The following ATG10 variants were observed in gnomAD, a reference collection of about 807,000 sequenced individuals.
ATG10 encodes the protein ubiquitin-like-conjugating enzyme ATG10.
A neutral mutation model predicts 32.1 loss-of-function variants in ATG10; 30 were observed. The ratio of observed to expected loss-of-function variants is 0.94; its 90% CI spans 0.70 to 1.27. The LOEUF (loss-of-function observed/expected upper bound fraction) is 1.27, where lower values mean the gene tolerates loss of function less well. Among genes scored for constraint, ATG10 ranks in the 50% most tolerant of loss-of-function variants. The pLI is 0.00. For missense variants in ATG10, 233 were observed against 262.3 expected, an observed-to-expected ratio of 0.89 and a Z score of 0.77; for synonymous variants, 87 against 91.5, an observed-to-expected ratio of 0.95 and a Z score of 0.28.
In ATG10 at chr5:82,253,317, T is replaced by C. The variant is rs761000159; in HGVS notation, c.555T>C (p.Asn185=). 3 of 1,604,488 alleles carry C rather than the reference T, an allele frequency of 1.9e-6. No individual in the cohort carries two copies. Among genetic ancestry groups the C allele is most frequent in the African/African-American group, 2.7e-5 (2 of 74,760 alleles). The change falls in exon 7 of 8, where the codon AAT becomes AAC. Residue 185 remains asparagine, a synonymous_variant. Transcript: ENST00000282185. The part of the protein sequence containing the change: ...VLKNSQKINK[N]VNYITSWLSI... ...CTGTATTTCACTTGTTTCCTAGGAA[T>C]GTCAACTATATCACATCATGGCTGA... is the stretch of plus-strand genomic sequence containing the variant.
intron 3 of ATG10, among the ~76,000 whole-genome samples, chr5:82,061,756 A>G (rs923486299): frequency 3.1e-5 from 4 of 127,620 alleles, no homozygotes; most frequent in Non-Finnish European, 1.7e-5. Flanking sequence ...ATATATGTGT[A>G]TATACATATA....
chr5:81,993,368 CT>C (rs757489564), intron 2 of ATG10, among the ~76,000 whole-genome samples: 9,732 of 39,372 alleles, frequency 0.25, 1,652 homozygotes, highest in Non-Finnish European at 0.29. Flanking sequence ...TCCTTCTTTT[CT>C]TTTCTTTTCT....
chr5:82,199,718 T>C (rs978745955), intron 5 of ATG10, among the ~76,000 whole-genome samples: 3 of 152,230 alleles, frequency 2.0e-5, no homozygotes, highest in African/African-American at 7.2e-5. Context: ...CCATAAGTTT[T>C]AGAAAAATGC....
At chr5:81,981,395 C>T (rs1325945339) in intron 1 of ATG10, among the ~76,000 whole-genome samples, 4 of 152,194 alleles carry the variant, frequency 2.6e-5, no homozygotes, top group Admixed American at 2.6e-4. Context: ...AATTTGAGGA[C>T]CACTGCCTAA....
chr5:81,984,609 G>C (rs1761200165), intron 1 of ATG10, among the ~76,000 whole-genome samples: 1 of 152,156 alleles, frequency 6.6e-6, no homozygotes, highest in Non-Finnish European at 1.5e-5. Flanking sequence ...GCAAAATAAG[G>C]ATTATTCTTG....
intron 3 of ATG10, among the ~76,000 whole-genome samples, chr5:82,131,420 G>A (rs1175462968): frequency 6.6e-6 from 1 of 152,140 alleles, no homozygotes; most frequent in Admixed American, 6.5e-5. Context: ...AAGTGTGACT[G>A]TTATTTGTGT....
intron 3 of ATG10, among the ~76,000 whole-genome samples, chr5:82,106,423 A>T (rs141074055): frequency 6.6e-6 from 1 of 152,098 alleles, no homozygotes; most frequent in Non-Finnish European, 1.5e-5. Context: ...CTACAGTGTT[A>T]TGTGATTTGC....
At position 82,205,329 on chromosome 5, in the gene ATG10, G is replaced by T. The variant is rs374076394; in HGVS notation, c.453+26742G>T. Among the ~76,000 whole-genome samples the T allele has an allele frequency of 1.2e-4, 18 of 152,276 alleles. No homozygotes were observed. In the Middle Eastern group the frequency reaches 0.01, roughly 86 times the overall value. ...TGATGAATTGGGAGAGGAAGATAGGGTGATTCTTGCAGAGGGACATGGAGG... is the reference window on the plus strand; with the variant it reads ...TGATGAATTGGGAGAGGAAGATAGGTTGATTCTTGCAGAGGGACATGGAGG... On this transcript the variant is annotated intron_variant, in intron 5 of 7. Transcript: ENST00000282185.
intron 2 of ATG10, among the ~76,000 whole-genome samples, chr5:82,055,931 C>T (rs540759692): frequency 1.3e-5 from 2 of 152,112 alleles, no homozygotes; most frequent in South Asian, 4.1e-4. Context: ...ACATGCTGTA[C>T]AGGTTTGCAG....
chr5:81,996,785 CA>C (rs1407262583), intron 2 of ATG10, among the ~76,000 whole-genome samples: 1 of 152,176 alleles, frequency 6.6e-6, no homozygotes, highest in Non-Finnish European at 1.5e-5. Flanking sequence ...CTTGTATCCT[CA>C]TGCAAGTTAT....
At chr5:82,113,924 T>C (rs1175402275) in intron 3 of ATG10, among the ~76,000 whole-genome samples, 1 of 152,044 alleles carries the variant, frequency 6.6e-6, no homozygotes, top group Admixed American at 6.6e-5. Context: ...ATATTTTGCC[T>C]AGTTTTTGTA....
At chr5:82,044,856 G>A (rs983206880) in intron 2 of ATG10, among the ~76,000 whole-genome samples, 4 of 152,148 alleles carry the variant, frequency 2.6e-5, no homozygotes, top group Non-Finnish European at 4.4e-5. Context: ...TCACGTCCAT[G>A]TGCAGTTTAC....
chr5:82,144,223 G>A (rs1767258807), intron 3 of ATG10, among the ~76,000 whole-genome samples: 1 of 151,380 alleles, frequency 6.6e-6, no homozygotes, highest in South Asian at 2.1e-4. Flanking sequence ...TACTTTTCTT[G>A]ATCAGTTTTG....
chr5:82,133,292 T>C (rs754460989), intron 3 of ATG10, among the ~76,000 whole-genome samples: 2 of 152,168 alleles, frequency 1.3e-5, no homozygotes, highest in Non-Finnish European at 1.5e-5. Context: ...TTTGGTGTTT[T>C]AGTCATAAAG....
rs554211799 is a variant in ATG10 at position 82,161,140 on chromosome 5, G to A, written c.217-3259G>A. Among the ~76,000 whole-genome samples, 41 of 152,262 alleles carry A rather than the reference G, an allele frequency of 2.7e-4. No individual in the cohort carries two copies. The East Asian group carries it at 7.5e-3, about 28-fold the overall frequency. Reference sequence around the variant, plus strand: ...TGATATTTTAATGGGCATCATAAAGGTGACCACAAATGATGGAAAGATGCT... The same window carrying A: ...TGATATTTTAATGGGCATCATAAAGATGACCACAAATGATGGAAAGATGCT... On this transcript the variant is annotated intron_variant, in intron 3 of 7. Coordinates refer to ENST00000282185, the MANE Select transcript of ATG10 (RefSeq NM_031482.5).
Position 82,178,481 on chromosome 5 carries a change from CT to C in ATG10, c.356-6del. 1 of 1,575,244 alleles carries C rather than the reference CT, an allele frequency of 6.3e-7. No individual in the cohort carries two copies. Among genetic ancestry groups the C allele is most frequent in the Non-Finnish European group, 8.7e-7 (1 of 1,145,186 alleles). ...TTACTAACTCAGTCTTTACCATGCACTTTCACAGATGGGAGACCTTTAACTC... is the reference window on the plus strand; with the variant it reads ...TTACTAACTCAGTCTTTACCATGCACTTCACAGATGGGAGACCTTTAACTC... On this transcript the variant is annotated splice_region_variant and splice_polypyrimidine_tract_variant and intron_variant, in intron 4 of 7. Transcript: ENST00000282185.
chr5:82,188,498 C>G (rs984324615), intron 5 of ATG10, among the ~76,000 whole-genome samples: 1 of 152,128 alleles, frequency 6.6e-6, no homozygotes. Flanking sequence ...CATCTTAGCA[C>G]GTTTCATTTT....
At chr5:82,059,454 A>G (rs1763702077) in intron 3 of ATG10, among the ~76,000 whole-genome samples, 1 of 149,712 alleles carries the variant, frequency 6.7e-6, no homozygotes. Flanking sequence ...ACATCTTTCC[A>G]TGTCAGTAAA....
chr5:81,976,380 A>T (rs1184393673), intron 1 of ATG10: 1 of 151,932 alleles, frequency 6.6e-6, no homozygotes, highest in African/African-American at 2.4e-5. Context: ...AAGGAAACAT[A>T]TTTATTGCCC....
Sources: gnomAD v4.1 joint callset for allele counts (sites outside exome capture counted in the v4.1 genomes callset) on GRCh38, gnomAD v4.1.1 for gene constraint, MANE v1.5 for transcripts, NCBI Gene and HGNC (gene_info 2026-07-23, HGNC 2026-07-21) for gene names.